HELZ: variants seen among roughly 807,000 people sequenced by gnomAD.
The protein encoded by HELZ is ATP-dependent RNA helicase with zinc finger domain.
A neutral mutation model predicts 218.2 loss-of-function variants in HELZ; 23 were observed. The observed-to-expected ratio is 0.11, with a 90% CI of 0.08 to 0.15. The LOEUF (loss-of-function observed/expected upper bound fraction) is 0.15, where lower values mean the gene tolerates loss of function less well. Ranked by LOEUF, HELZ falls within the 10% of genes least tolerant of loss-of-function variation. The pLI is 1.00. For missense variants in HELZ, 1,813 were observed against 2,353.7 expected (o/e 0.77, Z 4.75); for synonymous variants, 814 against 829.4 (o/e 0.98, Z 0.32).
At chr17:67,091,914 T>G (rs1216048934) in intron 31 of HELZ, among the ~76,000 whole-genome samples, 1 of 152,130 alleles carries the variant, frequency 6.6e-6, no homozygotes, top group Non-Finnish European at 1.5e-5. Context: ...ATTTTCTGCT[T>G]AAAGCAAATA....
At chr17:67,165,661 C>T (rs1239749537) in intron 15 of HELZ, among the ~76,000 whole-genome samples, 1 of 152,218 alleles carries the variant, frequency 6.6e-6, no homozygotes, top group Non-Finnish European at 1.5e-5. Context: ...ACAGCTCTCA[C>T]TGTCATCCAT....
intron 32 of HELZ, among the ~76,000 whole-genome samples, chr17:67,080,764 G>A (rs2036163801): frequency 6.6e-6 from 1 of 152,192 alleles, no homozygotes; most frequent in Non-Finnish European, 1.5e-5. Flanking sequence ...TGTCCTAAGG[G>A]AGTTCTGGGA....
chr17:67,093,988 G>A (rs914784625), intron 31 of HELZ, among the ~76,000 whole-genome samples: 8 of 152,002 alleles, frequency 5.3e-5, no homozygotes, highest in African/African-American at 1.7e-4. Context: ...CCAAACTCCC[G>A]CAACATGTAA....
At chr17:67,175,188 A>T (rs1567864385) in intron 13 of HELZ, among the ~76,000 whole-genome samples, 2 of 152,200 alleles carry the variant, frequency 1.3e-5, no homozygotes, top group Admixed American at 6.5e-5. Context: ...CAACCTTCAA[A>T]CTGTTTCCGT....
intron 21 of HELZ, among the ~76,000 whole-genome samples, chr17:67,141,640 T>C (rs568394316): frequency 5.9e-5 from 9 of 152,128 alleles, no homozygotes; most frequent in East Asian, 1.9e-4. Flanking sequence ...CTATAGCCCA[T>C]TGGAATTCAT....
At chr17:67,222,885 T>C (rs2040784986) in intron 3 of HELZ, among the ~76,000 whole-genome samples, 2 of 152,046 alleles carry the variant, frequency 1.3e-5, no homozygotes, top group Non-Finnish European at 2.9e-5. Context: ...CTAGGACACA[T>C]CGATACATCT....
chr17:67,193,393 G>T (rs537395440), intron 9 of HELZ, among the ~76,000 whole-genome samples: 2 of 148,464 alleles, frequency 1.3e-5, no homozygotes, highest in South Asian at 4.4e-4. Flanking sequence ...CAGAAATTAA[G>T]TTCAGCCATA....
chr17:67,184,135 T>C (rs2039687210), intron 12 of HELZ, among the ~76,000 whole-genome samples: 1 of 152,186 alleles, frequency 6.6e-6, no homozygotes. Flanking sequence ...GCTATATAAC[T>C]TGATTTTAAG....
At position 67,071,023 on chromosome 17, in the gene HELZ, A is replaced by G. The variant is rs186332276; in HGVS notation, c.*7229T>C. 156 of 152,346 alleles carry G rather than the reference A, an allele frequency of 1.0e-3. No homozygotes were observed. The highest frequency in any genetic ancestry group is 3.5e-3 in the African/African-American group (147 of 41,580). 9.4% of individuals were successfully genotyped at this position (152,346 alleles called of 1,614,324 possible). On this transcript the variant is annotated 3_prime_UTR_variant, in exon 33 of 33. Coordinates refer to ENST00000358691, the MANE Select transcript of HELZ (RefSeq NM_014877.4). ...GTGTCACTAATAACAGGACCCTTTAATAAAATGCAAAACTCATTATCTTTA... is the reference window on the plus strand; with the variant it reads ...GTGTCACTAATAACAGGACCCTTTAGTAAAATGCAAAACTCATTATCTTTA...
chr17:67,145,941 AT>A, intron 20 of HELZ, 51 bp from the exon 21 acceptor site: 1 of 1,522,552 alleles, frequency 6.6e-7, no homozygotes, highest in Non-Finnish European at 8.9e-7. Flanking sequence ...ATCAAAATTA[AT>A]TTCACCCATA....
At chr17:67,150,197 A>G (rs758847124) in intron 18 of HELZ, 6 of 337,260 alleles carry the variant, frequency 1.8e-5, no homozygotes, top group Admixed American at 6.1e-5. Flanking sequence ...GTGCAGTGCT[A>G]TATGATCACA....
At chr17:67,182,989 T>C (rs1294055635) in intron 12 of HELZ, among the ~76,000 whole-genome samples, 1 of 152,188 alleles carries the variant, frequency 6.6e-6, no homozygotes, top group African/African-American at 2.4e-5. Flanking sequence ...AGGGTTGACA[T>C]GTAAGAGGCA....
chr17:67,210,817 GAGGCT>G (rs2040430597), intron 5 of HELZ, among the ~76,000 whole-genome samples: 1 of 152,104 alleles, frequency 6.6e-6, no homozygotes, highest in African/African-American at 2.4e-5. Context: ...AGCTACTTGG[GAGGCT>G]GAGGCAGGAG....
intron 32 of HELZ, among the ~76,000 whole-genome samples, chr17:67,081,804 C>CG (rs1294129247): frequency 1.3e-5 from 2 of 151,818 alleles, no homozygotes; most frequent in Non-Finnish European, 2.9e-5. Context: ...GTATGTGGGG[C>CG]GGGGCAGGGG....
intron 32 of HELZ, 92 bp from the exon 33 acceptor site, chr17:67,078,678 C>G: frequency 1.1e-6 from 1 of 874,736 alleles, no homozygotes; most frequent in Non-Finnish European, 1.6e-6. Context: ...TGGCTCTCAT[C>G]TCCAGGAACT....
At chr17:67,229,607 A>T (rs551610645) in intron 3 of HELZ, among the ~76,000 whole-genome samples, 1 of 152,206 alleles carries the variant, frequency 6.6e-6, no homozygotes, top group East Asian at 1.9e-4. Flanking sequence ...ATAAATAATT[A>T]AATTTCCCAA....
intron 24 of HELZ, among the ~76,000 whole-genome samples, chr17:67,127,605 TG>T (rs1295850041): frequency 6.6e-6 from 1 of 152,206 alleles, no homozygotes; most frequent in Non-Finnish European, 1.5e-5. Flanking sequence ...CCCAGCACTT[TG>T]GGAAGCCAAG....
rs1410001575 is a variant in HELZ at position 67,218,766 on chromosome 17, T to G, written c.39A>C (p.Ala13=). The part of the protein sequence containing the change: ...DRRAEKSCEQ[A]CESLKRQDYE... ...AGTCCTGCCTCTTAAGTGATTCACATGCTTGTTCACATGACTTTTCAGCTC... is the reference window on the plus strand; with the variant it reads ...AGTCCTGCCTCTTAAGTGATTCACAGGCTTGTTCACATGACTTTTCAGCTC... The change falls in exon 4 of 33, where the codon GCA becomes GCC. Residue 13 remains alanine (A), a synonymous_variant. Coordinates refer to ENST00000358691, the MANE Select transcript of HELZ (RefSeq NM_014877.4). 1.2e-6 allele frequency: 2 copies of G among 1,614,240 alleles called. No individual in the cohort carries two copies. Among genetic ancestry groups the G allele is most frequent in the South Asian group, 1.1e-5 (1 of 91,092 alleles).
chr17:67,129,267 CA>C (rs2037900062), intron 23 of HELZ, among the ~76,000 whole-genome samples: 1 of 151,726 alleles, frequency 6.6e-6, no homozygotes, highest in Non-Finnish European at 1.5e-5. Context: ...ATATAAAATT[CA>C]ATATAATGAA....
Sources: allele counts gnomAD v4.1 joint callset (sites outside exome capture counted in the v4.1 genomes callset), GRCh38; gene constraint gnomAD v4.1.1; transcripts MANE v1.5; gene names NCBI Gene and HGNC (gene_info 2026-07-23, HGNC 2026-07-21).